Variants in DHX29 observed in about 807,000 individuals in gnomAD.
The protein encoded by DHX29 is ATP-dependent RNA helicase DHX29.
A neutral mutation model predicts 167.9 loss-of-function variants in DHX29; 79 were observed. That is an observed-to-expected ratio of 0.47 (90% CI 0.39 to 0.57). The LOEUF (loss-of-function observed/expected upper bound fraction) is 0.57. DHX29 is among the 20% of genes least tolerant of loss of function. DHX29 has a pLI of 0.00. For missense variants in DHX29, 1,347 were observed against 1,593.4 expected, an observed-to-expected ratio of 0.85 and a Z score of 2.63; for synonymous variants, 530 against 546.0, an observed-to-expected ratio of 0.97 and a Z score of 0.41.
intron 25 of DHX29, among the ~76,000 whole-genome samples, 183 bp from the exon 26 acceptor site, chr5:55,260,127 T>C (rs1384496624): frequency 2.1e-4 from 32 of 152,232 alleles, no homozygotes; most frequent in Admixed American, 2.1e-3. Flanking sequence ...AATTTCCTTA[T>C]TAAATCTGGT....
chr5:55,275,779 G>C (rs189479749), intron 14 of DHX29, among the ~76,000 whole-genome samples: 329 of 151,306 alleles, frequency 2.2e-3, no homozygotes, highest in African/African-American at 6.7e-3. Context: ...GTATGTGTGT[G>C]TGTCTGTCTG....
intron 26 of DHX29, among the ~76,000 whole-genome samples, chr5:55,257,316 T>C (rs1458082434): frequency 6.6e-6 from 1 of 152,200 alleles, no homozygotes; most frequent in East Asian, 1.9e-4. Context: ...CTTTCAATAG[T>C]TGCAATGGTT....
chr5:55,305,888 G>A (rs1748834929), intron 1 of DHX29, among the ~76,000 whole-genome samples: 1 of 152,104 alleles, frequency 6.6e-6, no homozygotes, highest in South Asian at 2.1e-4. Context: ...AGAAGTAATG[G>A]AAATAGATGA....
rs1326165109 is a variant in DHX29 at position 55,283,262 on chromosome 5, C to A, written c.1906G>T (p.Val636Phe). The A allele has an allele frequency of 1.9e-6, 3 of 1,612,636 alleles. No individual in the cohort carries two copies. Among genetic ancestry groups the A allele is most frequent in the Non-Finnish European group, 2.5e-6 (3 of 1,178,932 alleles). Residue 636 changes from valine (V) to phenylalanine (F), a missense_variant, in exon 11 of 27, where the codon GTT becomes TTT. Val to Phe is a conservative substitution (Grantham distance 50, BLOSUM62 -1). Coordinates refer to ENST00000251636, the MANE Select transcript of DHX29 (RefSeq NM_019030.4). ...VCTQPRRISA[V>F]SLANRVCDEL... ...TCACATACTCTGTTGGCTAAACTAA[C>A]TGCTGAGATTCTTCGGGGTTGGGTA... is the stretch of plus-strand genomic sequence containing the variant.
intron 8 of DHX29, among the ~76,000 whole-genome samples, chr5:55,287,182 C>T (rs1429741443): frequency 8.5e-5 from 13 of 152,164 alleles, no homozygotes; most frequent in Non-Finnish European, 5.9e-5. Flanking sequence ...TGGGTCACAC[C>T]GGTAATCCCA....
At position 55,285,319 on chromosome 5, in the gene DHX29, C is replaced by A; in HGVS notation, c.1330G>T (p.Ala444Ser). ...MQAQHLGATL[A>S]LYRLVKGQSV... ...TGCCCTTTAACTAAACGGTAAAGGG[C>A]TAAAGTAGCTCCCAGGTGCTGAGCT... is the stretch of plus-strand genomic sequence containing the variant. Residue 444 changes from alanine (A) to serine (S), a missense_variant, in exon 10 of 27, where the codon GCC (alanine) becomes TCC (serine). Transcript: ENST00000251636. 1 of 1,613,968 alleles carries A rather than the reference C, an allele frequency of 6.2e-7. No homozygotes were observed. The highest frequency in any genetic ancestry group is 8.5e-7 in the Non-Finnish European group (1 of 1,179,992).
At chr5:55,260,005 G>T in intron 25 of DHX29, 61 bp from the exon 26 acceptor site, 1 of 901,714 alleles carries the variant, frequency 1.1e-6, no homozygotes, top group Non-Finnish European at 1.8e-6. Flanking sequence ...ATGTGTTTAA[G>T]TAAATCAAGG....
At chr5:55,261,666 TATA>T (rs895807744) in intron 24 of DHX29, among the ~76,000 whole-genome samples, 167 bp from the exon 25 acceptor site, 1 of 152,210 alleles carries the variant, frequency 6.6e-6, no homozygotes, top group African/African-American at 2.4e-5. Flanking sequence ...TTATCAATTT[TATA>T]ATAATTACTA....
chr5:55,264,784 T>G (rs1746473999), intron 23 of DHX29, among the ~76,000 whole-genome samples: 1 of 152,230 alleles, frequency 6.6e-6, no homozygotes, highest in South Asian at 2.1e-4. Context: ...AGGAATCAAC[T>G]CATTATGAAA....
chr5:55,292,341 A>AGC (rs1290236627), intron 6 of DHX29, among the ~76,000 whole-genome samples: 1 of 152,098 alleles, frequency 6.6e-6, no homozygotes, highest in African/African-American at 2.4e-5. Context: ...AATCTTCCTT[A>AGC]GCCTTTATAT....
At chr5:55,294,777 A>C (rs1446629851) in intron 5 of DHX29, 1 of 152,692 alleles carries the variant, frequency 6.5e-6, no homozygotes, top group Non-Finnish European at 1.5e-5. Flanking sequence ...AGAGTATTTA[A>C]GTGTAATGCC....
chr5:55,307,253 GGGGA>G (rs779794607), intron 1 of DHX29, 130 bp downstream of exon 1: 16 of 745,616 alleles, frequency 2.1e-5, no homozygotes, highest in Middle Eastern at 6.4e-4. Context: ...GCCACCCCAT[GGGGA>G]GGTAGCAGCT....
At chr5:55,302,810 CTGGGCCACGTTCACTT>C (rs1748671486) in intron 1 of DHX29, among the ~76,000 whole-genome samples, 8 of 152,240 alleles carry the variant, frequency 5.3e-5, no homozygotes, top group African/African-American at 1.9e-4. Flanking sequence ...TCAACATTCA[CTGGGCCACGTTCACTT>C]TTGCCAAGTA....
intron 23 of DHX29, among the ~76,000 whole-genome samples, chr5:55,265,670 TA>T (rs11362570): frequency 0.066 from 9,533 of 143,408 alleles, 535 homozygotes; most frequent in African/African-American, 0.14. Context: ...GAACTAGCTG[TA>T]AAAAAAAAAA....
intron 23 of DHX29, among the ~76,000 whole-genome samples, chr5:55,263,900 AAGC>A (rs1746429754): frequency 6.6e-6 from 1 of 151,268 alleles, no homozygotes; most frequent in Non-Finnish European, 1.5e-5. Flanking sequence ...AATCACAAAA[AAGC>A]AGTGTGTCAA....
intron 21 of DHX29, among the ~76,000 whole-genome samples, chr5:55,269,126 A>G (rs1296208567): frequency 6.6e-6 from 1 of 151,784 alleles, no homozygotes; most frequent in African/African-American, 2.4e-5. Context: ...CGTGCCTGTA[A>G]TCCCAGCTAC....
At chr5:55,266,833 T>C (rs1746602329) in intron 23 of DHX29, among the ~76,000 whole-genome samples, 1 of 152,124 alleles carries the variant, frequency 6.6e-6, no homozygotes, top group Non-Finnish European at 1.5e-5. Flanking sequence ...CAGGCTGGTC[T>C]CAAACTCCTG....
chr5:55,274,618 C>A lies in DHX29; in HGVS notation c.2686G>T (p.Glu896Ter). The change falls in exon 16 of 27, where the codon GAA becomes TAA. Residue 896 changes from glutamate to a stop codon, truncating the protein, a stop_gained. Coordinates refer to ENST00000251636, the MANE Select transcript of DHX29 (RefSeq NM_019030.4). LOFTEE classifies it high-confidence loss of function. ...LLSNDRRFYSERYKVIALHSI... is the reference protein window; with the variant it reads ...LLSNDRRFYS ...ATAATGAAGATGAGTAGTTACCGTT[C>A]AGAATAAAATCTTCTATCATTTGAT... 1 of 1,579,444 alleles carries A rather than the reference C, an allele frequency of 6.3e-7. No individual in the cohort carries two copies. The highest frequency in any genetic ancestry group is 1.2e-5 in the South Asian group (1 of 85,428).
At chr5:55,307,252 T>C in intron 1 of DHX29, 135 bp downstream of exon 1, 2 of 742,936 alleles carry the variant, frequency 2.7e-6, no homozygotes, top group Non-Finnish European at 4.2e-6. Context: ...GGCCACCCCA[T>C]GGGGAGGTAG....
Sources: allele counts gnomAD v4.1 joint callset (sites outside exome capture counted in the v4.1 genomes callset), GRCh38; gene constraint gnomAD v4.1.1; transcripts MANE v1.5; gene names NCBI Gene and HGNC (gene_info 2026-07-23, HGNC 2026-07-21).